The following MCTP1 variants were observed in gnomAD, a reference collection of about 807,000 sequenced individuals.
MCTP1 encodes the protein multiple C2 and transmembrane domain-containing protein 1.
MCTP1 carries 69 observed loss-of-function variants against 120.6 expected under a neutral mutation model. That is an observed-to-expected ratio of 0.57 (90% CI 0.47 to 0.70). The LOEUF (loss-of-function observed/expected upper bound fraction) is 0.70. MCTP1 is among the 30% of genes least tolerant of loss of function. The pLI is 0.00. For missense variants in MCTP1, 1,203 were observed against 1,248.8 expected (o/e 0.96, Z 0.55); for synonymous variants, 529 against 493.1 (o/e 1.07, Z -0.96).
intron 1 of MCTP1, among the ~76,000 whole-genome samples, chr5:95,142,696 CT>C: frequency 2.0e-5 from 3 of 152,264 alleles, no homozygotes; most frequent in Middle Eastern, 6.8e-3. Context: ...AATTCACCAT[CT>C]ACGGGAATAG....
Position 94,755,517 on chromosome 5 carries a change from C to T in MCTP1, c.2610+23593G>A, listed in dbSNP as rs149067701. Among the ~76,000 whole-genome samples the T allele has an allele frequency of 1.6e-4, 24 of 152,292 alleles. No homozygotes were observed. In the East Asian group the frequency reaches 4.4e-3, roughly 28 times the overall value. ...TGCTCTCACCACACTAGGGAAACTC[C>T]GAGGACCACGACCACAACTAATCCA... On this transcript the variant is annotated intron_variant, in intron 19 of 22. Transcript: ENST00000515393.
At chr5:95,248,698 GC>G (rs1337140656) in intron 1 of MCTP1, among the ~76,000 whole-genome samples, 1 of 152,146 alleles carries the variant, frequency 6.6e-6, no homozygotes, top group Non-Finnish European at 1.5e-5. Flanking sequence ...CCAAAAAAGA[GC>G]CCACATAACC....
chr5:95,058,764 T>A (rs1421915648), intron 1 of MCTP1, among the ~76,000 whole-genome samples: 1 of 151,950 alleles, frequency 6.6e-6, no homozygotes, highest in African/African-American at 2.4e-5. Flanking sequence ...ACAGGACAAT[T>A]TTTTCCTTTT....
chr5:95,196,465 A>G (rs1203624175), intron 1 of MCTP1, among the ~76,000 whole-genome samples: 3 of 152,206 alleles, frequency 2.0e-5, no homozygotes, highest in Admixed American at 6.5e-5. Context: ...CTTGAAGCCA[A>G]TATCTTAACC....
At chr5:94,947,804 A>G (rs1160943310) in intron 3 of MCTP1, among the ~76,000 whole-genome samples, 1 of 140,490 alleles carries the variant, frequency 7.1e-6, no homozygotes, top group African/African-American at 2.6e-5. Context: ...TTTTTTTTGT[A>G]GAGACAGGGT....
At chr5:94,820,887 T>C (rs1785483526) in intron 17 of MCTP1, among the ~76,000 whole-genome samples, 1 of 152,162 alleles carries the variant, frequency 6.6e-6, no homozygotes, top group Non-Finnish European at 1.5e-5. Context: ...ACCTCAATAG[T>C]TATTGTGTCC....
intron 1 of MCTP1, among the ~76,000 whole-genome samples, chr5:95,066,706 C>A (rs924299286): frequency 2.6e-5 from 4 of 152,014 alleles, no homozygotes; most frequent in African/African-American, 9.7e-5. Context: ...GATGGACAAA[C>A]CTGGAGGGCA....
chr5:95,061,354 G>C (rs567732712), intron 1 of MCTP1, among the ~76,000 whole-genome samples: 3 of 107,346 alleles, frequency 2.8e-5, no homozygotes, highest in Non-Finnish European at 5.7e-5. Flanking sequence ...CTTTATACAT[G>C]TTTTTTTTTG....
intron 11 of MCTP1, among the ~76,000 whole-genome samples, chr5:94,893,230 C>A (rs1803093937): frequency 6.6e-6 from 1 of 152,176 alleles, no homozygotes; most frequent in Non-Finnish European, 1.5e-5. Flanking sequence ...TGGATTACTT[C>A]TAATTACTTA....
intron 21 of MCTP1, 54 bp from the exon 22 acceptor site, chr5:94,708,663 A>G (rs1202783877): frequency 8.7e-7 from 1 of 1,145,298 alleles, no homozygotes; most frequent in Non-Finnish European, 1.3e-6. Flanking sequence ...GTGTTGTAGT[A>G]ATTTGAAGAT....
At chr5:94,838,409 A>T (rs766147919) in intron 17 of MCTP1, among the ~76,000 whole-genome samples, 7 of 152,202 alleles carry the variant, frequency 4.6e-5, no homozygotes, top group Non-Finnish European at 1.0e-4. Flanking sequence ...AAATGTCTCA[A>T]CTGCAAATTC....
intron 1 of MCTP1, among the ~76,000 whole-genome samples, chr5:95,106,025 C>G (rs746081860): frequency 6.6e-6 from 1 of 152,284 alleles, no homozygotes; most frequent in Non-Finnish European, 1.5e-5. Context: ...TTGTTTCAAA[C>G]TTATGGTATG....
At chr5:95,018,049 T>C (rs1326973844) in intron 1 of MCTP1, among the ~76,000 whole-genome samples, 1 of 152,122 alleles carries the variant, frequency 6.6e-6, no homozygotes, top group Admixed American at 6.6e-5. Flanking sequence ...TCGATGGGGC[T>C]AAATTTCTAG....
chr5:95,076,667 T>G (rs1359629016), intron 1 of MCTP1, among the ~76,000 whole-genome samples: 1 of 152,050 alleles, frequency 6.6e-6, no homozygotes, highest in Non-Finnish European at 1.5e-5. Flanking sequence ...CAGAAAACAG[T>G]GAGCCACAGA....
chr5:95,150,876 G>C (rs925525808), intron 1 of MCTP1, among the ~76,000 whole-genome samples: 3 of 152,098 alleles, frequency 2.0e-5, no homozygotes, highest in Non-Finnish European at 4.4e-5. Flanking sequence ...GTAACCTACT[G>C]TTGACTAGAA....
intron 1 of MCTP1, among the ~76,000 whole-genome samples, chr5:95,120,517 A>C (rs1037161161): frequency 1.3e-5 from 2 of 152,236 alleles, no homozygotes; most frequent in Non-Finnish European, 2.9e-5. Context: ...CATGAATGCA[A>C]GGATGGTACC....
intron 5 of MCTP1, among the ~76,000 whole-genome samples, chr5:94,938,243 T>A (rs1241673393): frequency 2.6e-5 from 4 of 152,082 alleles, no homozygotes; most frequent in Non-Finnish European, 5.9e-5. Context: ...TCCCCCACAG[T>A]GTTTTGGGGA....
At chr5:95,183,374 A>C (rs1454933348) in intron 1 of MCTP1, among the ~76,000 whole-genome samples, 2 of 151,494 alleles carry the variant, frequency 1.3e-5, no homozygotes, top group Non-Finnish European at 2.9e-5. Flanking sequence ...GAGTAGGTTC[A>C]TTTATTAATT....
chr5:94,789,592 G>A (rs2085198260), intron 18 of MCTP1: 2 of 152,182 alleles, frequency 1.3e-5, no homozygotes, highest in African/African-American at 4.8e-5. Flanking sequence ...AGAACAAACA[G>A]TGGCCACAGG....
Sources: gnomAD v4.1 joint callset for allele counts (sites outside exome capture counted in the v4.1 genomes callset) on GRCh38, gnomAD v4.1.1 for gene constraint, MANE v1.5 for transcripts, NCBI Gene and HGNC (gene_info 2026-07-23, HGNC 2026-07-21) for gene names.